RPE65: variants seen among roughly 807,000 people sequenced by gnomAD.
RPE65 encodes retinoid isomerohydrolase.
RPE65 carries 58 observed loss-of-function variants against 68.5 expected under a neutral mutation model. That is an observed-to-expected ratio of 0.85 (90% CI 0.69 to 1.05). The LOEUF (loss-of-function observed/expected upper bound fraction) is 1.05, where lower values mean the gene tolerates loss of function less well. Ranked by LOEUF, RPE65 falls within the 50% of genes least tolerant of loss-of-function variation. RPE65 has a pLI of 0.00. For synonymous variants in RPE65, 220 were observed against 222.2 expected (o/e 0.99, Z 0.09); for missense variants, 643 against 629.9 (o/e 1.02, Z -0.22).
chr1:68,444,851 A>G lies in RPE65; in HGVS notation c.278T>C (p.Met93Thr). 6.2e-7 allele frequency: 1 copy of G among 1,614,146 alleles called. No individual in the cohort carries two copies. The highest frequency in any genetic ancestry group is 8.5e-7 in the Non-Finnish European group (1 of 1,180,030). Reference sequence around the variant, plus strand: ...TGTTATGACGATCCTTTTCTCAGTCATTGCCCGTACGTAAGCATCAGTGCG... The same window carrying G: ...TGTTATGACGATCCTTTTCTCAGTCGTTGCCCGTACGTAAGCATCAGTGCG... ...FIRTDAYVRA[M>T]TEKRIVITEF... is the part of the protein sequence containing the mutation. Residue 93 changes from methionine (M) to threonine (T), a missense_variant, in exon 4 of 14, where the codon ATG becomes ACG. By Grantham distance (81) the Met-to-Thr change is moderately conservative. Transcript: ENST00000262340.
intron 2 of RPE65, among the ~76,000 whole-genome samples, chr1:68,447,473 T>A (rs1645950844): frequency 6.6e-6 from 1 of 152,188 alleles, no homozygotes; most frequent in Admixed American, 6.5e-5. Context: ...AGCTCACATG[T>A]CATCTCTGGA....
Position 68,442,606 on chromosome 1 carries a change from C to A in RPE65, c.496-1606G>T, listed in dbSNP as rs571986394. On this transcript the variant is annotated intron_variant, in intron 5 of 13. Coordinates refer to ENST00000262340, the MANE Select transcript of RPE65 (RefSeq NM_000329.3). ...GCACTGGTTAATAACAGTAAACAAT[C>A]AAAAATTTCACATTTTTAAAATTAC... 9.8e-5 allele frequency among the ~76,000 whole-genome samples: 15 copies of A among 152,286 alleles called. No individual in the cohort carries two copies. In the East Asian group the frequency reaches 2.5e-3, roughly 25 times the overall value.
rs1002915462 is a variant in RPE65, at chr1:68,428,946, T to C, written c.*830A>G. The stretch of plus-strand genomic sequence containing the variant: ...ATATTTTTCCCAAGTGATTGCACAA[T>C]GCTTAAATACAATTAAACAAAAAAG... On this transcript the variant is annotated 3_prime_UTR_variant, in exon 14 of 14. Coordinates refer to ENST00000262340, the MANE Select transcript of RPE65 (RefSeq NM_000329.3). 6.6e-6 allele frequency: 1 copy of C among 152,182 alleles called. No homozygotes were observed. The highest frequency in any genetic ancestry group is 6.5e-5 in the Admixed American group (1 of 15,268). 9.4% of individuals were successfully genotyped at this position (152,182 alleles called of 1,614,324 possible). A position where few individuals can be genotyped will look rare whatever the true frequency, so the allele number is the denominator to read the frequency against.
Position 68,446,817 on chromosome 1 carries a change from C to T in RPE65, c.138G>A (p.Gly46=). Reference sequence around the variant, plus strand: ...CAGATCCAACTTCAAAGAGTCCTGGCCCACATCGAAGGAGACTGCCGGTGA... The same window carrying T: ...CAGATCCAACTTCAAAGAGTCCTGGTCCACATCGAAGGAGACTGCCGGTGA... ...LWLTGSLLRC[G]PGLFEVGSEP... Residue 46 remains glycine, a synonymous_variant, in exon 3 of 14, where the codon GGG becomes GGA. Coordinates refer to ENST00000262340, the MANE Select transcript of RPE65 (RefSeq NM_000329.3). 1 of 1,614,022 alleles carries T rather than the reference C, an allele frequency of 6.2e-7. No individual in the cohort carries two copies. Among genetic ancestry groups the T allele is most frequent in the South Asian group, 1.1e-5 (1 of 91,064 alleles).
chr1:68,444,586 G>A lies in RPE65; in HGVS notation c.440C>T (p.Thr147Ile), dbSNP rs1457977097. 6.2e-7 allele frequency: 1 copy of A among 1,614,086 alleles called. No individual in the cohort carries two copies. Among genetic ancestry groups the A allele is most frequent in the South Asian group, 1.1e-5 (1 of 91,072 alleles). Residue 147 changes from threonine (T) to isoleucine (I), a missense_variant, in exon 5 of 14, where the codon ACA becomes ATA. Thr to Ile is a moderately conservative substitution (Grantham distance 89). Coordinates refer to ENST00000262340, the MANE Select transcript of RPE65 (RefSeq NM_000329.3). ...YPVGEDYYAC[T>I]ETNFITKINP... ...AATCTTTGTAATAAAGTTGGTCTCT[G>A]TGCAAGCGTAGTAATCTTCCCCCAC...
chr1:68,429,680 G>T lies in RPE65; in HGVS notation c.*96C>A. On this transcript the variant is annotated 3_prime_UTR_variant, in exon 14 of 14. Transcript: ENST00000262340. ...GTGCGCATCTGCAAGTTAAAACCATGACATATAGCAGGCTAAAATTGAACA... is the reference window on the plus strand; with the variant it reads ...GTGCGCATCTGCAAGTTAAAACCATTACATATAGCAGGCTAAAATTGAACA... 6.7e-7 allele frequency: 1 copy of T among 1,491,424 alleles called. No individual in the cohort carries two copies. Among genetic ancestry groups the T allele is most frequent in the Non-Finnish European group, 9.3e-7 (1 of 1,079,992 alleles). The allele number at this position is 1,491,424 out of a possible 1,614,324, so 92.4% of individuals were successfully genotyped here.
rs1379515660 is a variant in RPE65 at position 68,429,449 on chromosome 1, G to A, written c.*327C>T. On this transcript the variant is annotated 3_prime_UTR_variant, in exon 14 of 14. Coordinates refer to ENST00000262340, the MANE Select transcript of RPE65 (RefSeq NM_000329.3). The stretch of plus-strand genomic sequence containing the variant: ...GTTAAAAATATAATTGGAGCAGATA[G>A]GTACCTAAAATATGCTCTTATAATA... The A allele has an allele frequency of 6.3e-6, 2 of 318,338 alleles. No homozygotes were observed. Among genetic ancestry groups the A allele is most frequent in the Non-Finnish European group, 1.2e-5 (2 of 167,244 alleles). The allele number at this position is 318,338 out of a possible 1,614,324, so 19.7% of individuals were successfully genotyped here.
chr1:68,438,713 C>A (rs1645878063), intron 9 of RPE65, among the ~76,000 whole-genome samples: 1 of 152,134 alleles, frequency 6.6e-6, no homozygotes, highest in Non-Finnish European at 1.5e-5. Context: ...GTCACAGAAT[C>A]TTTTGTTTTC....
rs1184898518 is a variant in RPE65, at chr1:68,445,013, G to A, written c.246-130C>T. On this transcript the variant is annotated intron_variant, in intron 3 of 13. Transcript: ENST00000262340. ...ATAAATGCACAACATGAAGAATAAA[G>A]GGTTTTATTAGCTCACTTTCTTGGG... 1.7e-5 allele frequency: 14 copies of A among 805,542 alleles called. No homozygotes were observed. In the East Asian group the frequency reaches 1.8e-4, roughly 11 times the overall value. 49.9% of individuals were successfully genotyped at this position (805,542 alleles called of 1,614,324 possible). A position where few individuals can be genotyped will look rare whatever the true frequency, so the allele number is the denominator to read the frequency against.
At chr1:68,446,321 C>A (rs914991107) in intron 3 of RPE65, among the ~76,000 whole-genome samples, 2 of 147,874 alleles carry the variant, frequency 1.4e-5, no homozygotes, top group Non-Finnish European at 3.0e-5. Flanking sequence ...TTATGAAGTG[C>A]TTTGTGTGTG....
chr1:68,433,585 G>A (rs931947438), intron 10 of RPE65, among the ~76,000 whole-genome samples: 28 of 152,292 alleles, frequency 1.8e-4, no homozygotes, highest in African/African-American at 6.3e-4. Context: ...GAGGCGGGAA[G>A]TGGGAGGTGG....
chr1:68,439,508 C>T (rs1557600259), intron 7 of RPE65, 53 bp downstream of exon 7: 1 of 1,593,384 alleles, frequency 6.3e-7, no homozygotes, highest in African/African-American at 1.3e-5. Flanking sequence ...GTAGGCAAAG[C>T]AAATCTTTAA....
intron 2 of RPE65, 117 bp from the exon 3 acceptor site, chr1:68,446,977 G>A: frequency 1.4e-6 from 2 of 1,381,682 alleles, no homozygotes; most frequent in Non-Finnish European, 2.0e-6. Flanking sequence ...CATAGAGCTG[G>A]CAGTGATTTT....
chr1:68,440,164 A>G (rs1645891714), intron 6 of RPE65, among the ~76,000 whole-genome samples: 1 of 152,188 alleles, frequency 6.6e-6, no homozygotes, highest in Non-Finnish European at 1.5e-5. Flanking sequence ...AAAATTTCTC[A>G]TTCAGTCTGC....
intron 5 of RPE65, 107 bp downstream of exon 5, chr1:68,444,424 T>C: frequency 7.1e-7 from 1 of 1,407,570 alleles, no homozygotes; most frequent in Non-Finnish European, 1.0e-6. Context: ...ATTCTGTGTG[T>C]CCTCATCAAG....
chr1:68,430,916 T>A (rs1261567473), intron 13 of RPE65, 149 bp downstream of exon 13: 2 of 675,946 alleles, frequency 3.0e-6, no homozygotes, highest in Non-Finnish European at 5.2e-6. Flanking sequence ...TCTTTTCAAA[T>A]AGTTTTAATT....
At chr1:68,430,793 C>A (rs775373643) in intron 13 of RPE65, among the ~76,000 whole-genome samples, 2 of 151,886 alleles carry the variant, frequency 1.3e-5, no homozygotes, top group African/African-American at 2.4e-5. Context: ...GCCATTTTTT[C>A]TTCCTTCTCT....
intron 5 of RPE65, among the ~76,000 whole-genome samples, chr1:68,443,419 T>G (rs1465975480): frequency 6.6e-6 from 1 of 152,246 alleles, no homozygotes; most frequent in Non-Finnish European, 1.5e-5. Context: ...AATGTCATAC[T>G]AATACCTCCA....
intron 10 of RPE65, among the ~76,000 whole-genome samples, chr1:68,434,115 T>G (rs12034425): frequency 1.0e-5 from 1 of 99,494 alleles, no homozygotes; most frequent in Non-Finnish European, 2.1e-5. Context: ...TATATATATA[T>G]ACACACACAC....
Sources: gnomAD v4.1 joint callset for allele counts (sites outside exome capture counted in the v4.1 genomes callset) on GRCh38, gnomAD v4.1.1 for gene constraint, MANE v1.5 for transcripts, NCBI Gene and HGNC (gene_info 2026-07-23, HGNC 2026-07-21) for gene names.